Variants in TRIM42 observed in about 807,000 individuals in gnomAD.
TRIM42 encodes tripartite motif containing 42, also known as tripartite motif-containing protein 42.
Under a neutral mutation model 64.9 loss-of-function variants are expected in TRIM42, and 59 were observed. That is an observed-to-expected ratio of 0.91 (90% CI 0.74 to 1.13). The LOEUF is 1.13. Ranked by LOEUF, TRIM42 falls within the 50% of genes most tolerant of loss-of-function variation. The pLI, the probability that TRIM42 is intolerant of heterozygous loss-of-function variation, is 0.00. For missense variants in TRIM42, 878 were observed against 929.5 expected, an observed-to-expected ratio of 0.94 and a Z score of 0.72; for synonymous variants, 354 against 346.3, an observed-to-expected ratio of 1.02 and a Z score of -0.25.
rs115561128 is a variant in TRIM42, at chr3:140,695,511, C to T, written c.2085+4319C>T. On this transcript the variant is annotated intron_variant, in intron 4 of 4. Transcript: ENST00000286349. ...GAAATGCAGCAACCCCTGTCCCCAA[C>T]CATCCTCTCAAAGCCCTTCTCAGTC... Among the ~76,000 whole-genome samples the T allele has an allele frequency of 8.3e-3, 1,258 of 152,236 alleles. 18 individuals are homozygous for T. The highest frequency in any genetic ancestry group is 0.029 in the African/African-American group (1,202 of 41,536).
chr3:140,687,601 T>G, intron 2 of TRIM42, 121 bp from the exon 3 acceptor site: 1 of 714,224 alleles, frequency 1.4e-6, no homozygotes, highest in Non-Finnish European at 2.3e-6. Context: ...CAACTACAAG[T>G]GCCTTCCCTC....
intron 4 of TRIM42, among the ~76,000 whole-genome samples, chr3:140,696,975 AC>A (rs930004673): frequency 3.9e-5 from 6 of 152,114 alleles, no homozygotes; most frequent in African/African-American, 1.4e-4. Flanking sequence ...ACTTAATTTG[AC>A]CACATCCATG....
chr3:140,697,408 C>A (rs1490702007), intron 4 of TRIM42, among the ~76,000 whole-genome samples: 3 of 152,036 alleles, frequency 2.0e-5, no homozygotes, highest in Non-Finnish European at 1.5e-5. Context: ...TTTAAAAAGT[C>A]TTTTCTTAGG....
intron 4 of TRIM42, among the ~76,000 whole-genome samples, chr3:140,695,465 C>T (rs1988823658): frequency 6.6e-6 from 1 of 152,106 alleles, no homozygotes; most frequent in African/African-American, 2.4e-5. Flanking sequence ...TTTTCTGGGT[C>T]TTTCCCTGTT....
In TRIM42 at chr3:140,691,087, G is replaced by C. The variant is rs1988699236; in HGVS notation, c.1980G>C (p.Met660Ile). The part of the protein sequence containing the change: ...MELCGQIRDI[M>I]QQNLELHNLT... ...TCTGTGGACAAATTCGGGACATAAT[G>C]CAGCAAAATCTGGAGCTGCACAACC... Residue 660 changes from methionine to isoleucine, a missense_variant, in exon 4 of 5, where the codon ATG (methionine) becomes ATC (isoleucine). Transcript: ENST00000286349. 6.2e-7 allele frequency: 1 copy of C among 1,614,006 alleles called. No homozygotes were observed. The highest frequency in any genetic ancestry group is 1.1e-5 in the South Asian group (1 of 91,082).
At chr3:140,682,370 C>T in intron 1 of TRIM42, 92 bp from the exon 2 acceptor site, 1 of 1,266,866 alleles carries the variant, frequency 7.9e-7, no homozygotes, top group Non-Finnish European at 1.1e-6. Flanking sequence ...ACTAGACTGC[C>T]CCTCAGGAAC....
chr3:140,691,632 C>T (rs1037167313), intron 4 of TRIM42, among the ~76,000 whole-genome samples: 2 of 152,046 alleles, frequency 1.3e-5, no homozygotes, highest in African/African-American at 4.8e-5. Flanking sequence ...GAATTTCTGG[C>T]ACACAATAAT....
chr3:140,678,514 C>T lies in TRIM42; in HGVS notation c.285C>T (p.Cys95=), dbSNP rs755882319. Residue 95 remains cysteine, a synonymous_variant, in exon 1 of 5, where the codon TGC becomes TGT. Transcript: ENST00000286349. ...ACTGCTACTACTATGAGAGCCGCTG[C>T]TGCCGCAATACCATCATCACTTTCC... ...NLNCYYYESR[C]CRNTIITFHK... is the part of the protein sequence containing the mutation. The T allele has an allele frequency of 1.3e-5, 21 of 1,614,064 alleles. No homozygotes were observed. The highest frequency in any genetic ancestry group is 8.5e-7 in the Non-Finnish European group (1 of 1,180,032).
intron 4 of TRIM42, among the ~76,000 whole-genome samples, chr3:140,695,713 G>A (rs1356928950): frequency 6.6e-6 from 1 of 152,092 alleles, no homozygotes; most frequent in African/African-American, 2.4e-5. Context: ...TCCTCTTCCT[G>A]CTGCAGACTC....
chr3:140,693,847 G>C (rs529128123), intron 4 of TRIM42, among the ~76,000 whole-genome samples: 17 of 152,186 alleles, frequency 1.1e-4, no homozygotes, highest in Non-Finnish European at 2.1e-4. Context: ...TAACTTTAAT[G>C]ATTTTGAAAG....
At position 140,693,845 on chromosome 3, in the gene TRIM42, A is replaced by G. The variant is rs116974709; in HGVS notation, c.2085+2653A>G. On this transcript the variant is annotated intron_variant, in intron 4 of 4. Transcript: ENST00000286349. ...ACATGCAGCAAGAAAATTAACTTTA[A>G]TGATTTTGAAAGGTCCCATTTGAAG... is the stretch of plus-strand genomic sequence containing the variant. Among the ~76,000 whole-genome samples the G allele has an allele frequency of 5.9e-5, 9 of 152,356 alleles. No homozygotes were observed. The East Asian group carries it at 1.5e-3, about 26-fold the overall frequency.
At position 140,688,501 on chromosome 3, in the gene TRIM42, A is replaced by G. The variant is rs925712384; in HGVS notation, c.1819A>G (p.Ile607Val). ...TGGCTCTGTGAAGACCCCAGGCCCA[A>G]TTGTTATCTACCAGACTCTGGTGTA... is the stretch of plus-strand genomic sequence containing the variant. ...NDGSVKTPGP[I>V]VIYQTLVYPR... Residue 607 changes from isoleucine (I) to valine (V), a missense_variant, in exon 3 of 5, where the codon ATT (isoleucine) becomes GTT (valine). Physicochemically the swap from Ile to Val is conservative, Grantham distance 29 (BLOSUM62 3). Transcript: ENST00000286349. 12 of 1,613,532 alleles carry G rather than the reference A, an allele frequency of 7.4e-6. No homozygotes were observed. The highest frequency in any genetic ancestry group is 2.7e-5 in the African/African-American group (2 of 74,902).
In TRIM42 at chr3:140,687,723, C is replaced by A. The variant is rs1988582166; in HGVS notation, c.1041C>A (p.Val347=). ...GTAACTAACTTGGCATTTTTGCAGT[C>A]CGATATGAAATTGATAATGACCTAA... The part of the protein sequence containing the change: ...LFSAIAKFKA[V]RYEIDNDLME... Residue 347 remains valine, a splice_region_variant and synonymous_variant, in exon 3 of 5, where the codon GTC becomes GTA. Coordinates refer to ENST00000286349, the MANE Select transcript of TRIM42 (RefSeq NM_152616.5). The A allele has an allele frequency of 3.8e-6, 6 of 1,597,556 alleles. No homozygotes were observed. Among genetic ancestry groups the A allele is most frequent in the Admixed American group, 3.5e-5 (2 of 56,830 alleles).
chr3:140,693,775 C>T (rs991564818), intron 4 of TRIM42, among the ~76,000 whole-genome samples: 1 of 152,186 alleles, frequency 6.6e-6, no homozygotes, highest in African/African-American at 2.4e-5. Flanking sequence ...ATTTTATTTG[C>T]ATAGTCTAGG....
In TRIM42 at chr3:140,682,958, A is replaced by G; in HGVS notation, c.838A>G (p.Thr280Ala). 1 of 1,614,236 alleles carries G rather than the reference A, an allele frequency of 6.2e-7. No homozygotes were observed. Among genetic ancestry groups the G allele is most frequent in the Non-Finnish European group, 8.5e-7 (1 of 1,180,038 alleles). The change falls in exon 2 of 5, where the codon ACC becomes GCC. Residue 280 changes from threonine to alanine, a missense_variant. By Grantham distance (58) the Thr-to-Ala change is moderately conservative (BLOSUM62 0). Transcript: ENST00000286349. The part of the protein sequence containing the change: ...VAMQDHVFVD[T>A]SAEEQDEKIC... The stretch of plus-strand genomic sequence containing the variant: ...CATGCAAGACCACGTCTTTGTGGAC[A>G]CCAGCGCCGAGGAACAGGACGAGAA...
chr3:140,698,654 G>A (rs1432129628), intron 4 of TRIM42, among the ~76,000 whole-genome samples: 1 of 152,070 alleles, frequency 6.6e-6, no homozygotes, highest in African/African-American at 2.4e-5. Context: ...TATTATGAAA[G>A]TTATTTTATT....
Position 140,688,506 on chromosome 3 carries a change from T to A in TRIM42, c.1824T>A (p.Val608=). The A allele has an allele frequency of 1.2e-6, 2 of 1,613,576 alleles. No homozygotes were observed. The highest frequency in any genetic ancestry group is 2.2e-5 in the South Asian group (2 of 90,994). The change falls in exon 3 of 5, where the codon GTT becomes GTA. Residue 608 remains valine (V), a synonymous_variant. Coordinates refer to ENST00000286349, the MANE Select transcript of TRIM42 (RefSeq NM_152616.5). ...DGSVKTPGPI[V]IYQTLVYPRA... is the part of the protein sequence containing the mutation. ...CTGTGAAGACCCCAGGCCCAATTGT[T>A]ATCTACCAGACTCTGGTGTACCCAA... is the stretch of plus-strand genomic sequence containing the variant.
chr3:140,682,775 A>G lies in TRIM42; in HGVS notation c.655A>G (p.Met219Val). 1.2e-6 allele frequency: 2 copies of G among 1,613,490 alleles called. No individual in the cohort carries two copies. Among genetic ancestry groups the G allele is most frequent in the Non-Finnish European group, 1.7e-6 (2 of 1,180,024 alleles). Reference sequence around the variant, plus strand: ...GCACGGGCGTCTCACCAAGCGCTACATGCAGGAGCACGGCTACCTCAAGTG... The same window carrying G: ...GCACGGGCGTCTCACCAAGCGCTACGTGCAGGAGCACGGCTACCTCAAGTG... Reference protein sequence around the residue: ...YLHGRLTKRYMQEHGYLKWRF... With the variant: ...YLHGRLTKRYVQEHGYLKWRF... Residue 219 changes from methionine to valine, a missense_variant, in exon 2 of 5, where the codon ATG (methionine) becomes GTG (valine). Transcript: ENST00000286349.
Position 140,687,840 on chromosome 3 carries a change from T to C in TRIM42, c.1158T>C (p.Ile386=). The C allele has an allele frequency of 6.2e-7, 1 of 1,614,208 alleles. No individual in the cohort carries two copies. The highest frequency in any genetic ancestry group is 8.5e-7 in the Non-Finnish European group (1 of 1,180,032). The change falls in exon 3 of 5, where the codon ATT becomes ATC. Residue 386 remains isoleucine (I), a synonymous_variant. Coordinates refer to ENST00000286349, the MANE Select transcript of TRIM42 (RefSeq NM_152616.5). The part of the protein sequence containing the change: ...IRNGFLKLRS[I]LQEKEKIIME... ...ATGGCTTTCTCAAGTTGCGCAGCAT[T>C]CTTCAGGAGAAAGAGAAGATCATCA...
Sources: allele counts gnomAD v4.1 joint callset (sites outside exome capture counted in the v4.1 genomes callset), GRCh38; gene constraint gnomAD v4.1.1; transcripts MANE v1.5; gene names NCBI Gene and HGNC (gene_info 2026-07-23, HGNC 2026-07-21).